CHD2: variants seen among roughly 807,000 people sequenced by gnomAD.
CHD2 encodes the protein chromodomain helicase DNA binding protein 2, also known as ATP-dependent chromatin remodeler CHD2.
A neutral mutation model predicts 243.9 loss-of-function variants in CHD2; 28 were observed. The observed-to-expected ratio is 0.11, with a 90% CI of 0.09 to 0.16. The LOEUF (loss-of-function observed/expected upper bound fraction) is 0.16. Ranked by LOEUF, CHD2 falls within the 10% of genes least tolerant of loss-of-function variation. The pLI, the probability that CHD2 is intolerant of heterozygous loss-of-function variation, is 1.00. For missense variants in CHD2, 1,386 were observed against 2,209.8 expected (o/e 0.63, Z 7.47); for synonymous variants, 775 against 779.0 (o/e 0.99, Z 0.09).
At chr15:92,953,832 C>T in intron 14 of CHD2, 1 of 425,712 alleles carries the variant, frequency 2.3e-6, no homozygotes, top group Non-Finnish European at 4.2e-6. Context: ...AATTTTTCTT[C>T]TCTCTGCCCT....
At chr15:92,961,822 C>T (rs1036773452) in intron 16 of CHD2, among the ~76,000 whole-genome samples, 5 of 149,066 alleles carry the variant, frequency 3.4e-5, no homozygotes, top group East Asian at 2.0e-4. Flanking sequence ...AATTTTGATG[C>T]TCTCAAAGAA....
At chr15:92,916,226 C>A (rs891657484) in intron 2 of CHD2, among the ~76,000 whole-genome samples, 1 of 134,772 alleles carries the variant, frequency 7.4e-6, no homozygotes, top group East Asian at 2.1e-4. Context: ...GCCCCATCAC[C>A]CTGGGCACAT....
At chr15:93,009,497 C>T in intron 35 of CHD2, 174 bp downstream of exon 35, 1 of 588,834 alleles carries the variant, frequency 1.7e-6, no homozygotes, top group Non-Finnish European at 3.0e-6. Context: ...TAGGCCATTC[C>T]ACTGAGACCA....
At position 93,002,261 on chromosome 15, in the gene CHD2, A is replaced by G; in HGVS notation, c.4222A>G (p.Arg1408Gly). 6.2e-7 allele frequency: 1 copy of G among 1,602,094 alleles called. No individual in the cohort carries two copies. Among genetic ancestry groups the G allele is most frequent in the Admixed American group, 1.7e-5 (1 of 58,090 alleles). ...GAACAAGGAGAAACAAATGAGTTCT[A>G]GGAAAGACAAAGAAGGGGACAAGGA... ...KENKEKQMSS[R>G]KDKEGDKERK... The change falls in exon 33 of 39, where the codon AGG becomes GGG. Residue 1408 changes from arginine (R) to glycine (G), a missense_variant. This residue lies in a region of CHD2 where 125 missense variants were observed against 128.9 expected (regional missense o/e 0.97). Coordinates refer to ENST00000394196, the MANE Select transcript of CHD2 (RefSeq NM_001271.4).
At chr15:92,991,596 C>G in intron 27 of CHD2, 79 bp downstream of exon 27, 1 of 972,616 alleles carries the variant, frequency 1.0e-6, no homozygotes, top group Non-Finnish European at 1.5e-6. Flanking sequence ...GTAAATTTTT[C>G]CATTTAATAC....
chr15:93,025,003 G>A lies in CHD2; in HGVS notation c.*298G>A, dbSNP rs558808130. 2.9e-6 allele frequency: 1 copy of A among 350,228 alleles called. No homozygotes were observed. The highest frequency in any genetic ancestry group is 5.2e-6 in the Non-Finnish European group (1 of 192,380). The allele number at this position is 350,228 out of a possible 1,614,324, so 21.7% of individuals were successfully genotyped here. ...GTGTGTGTACCAGCTTCACTGGGAT[G>A]TGTTTCCCCAGTCAAGGAACAGGGG... On this transcript the variant is annotated 3_prime_UTR_variant, in exon 39 of 39. Transcript: ENST00000394196.
chr15:92,942,097 C>T, intron 8 of CHD2, 142 bp downstream of exon 8: 1 of 751,102 alleles, frequency 1.3e-6, no homozygotes, highest in Non-Finnish European at 2.2e-6. Context: ...CCCAGTGTTT[C>T]AGAGCTGAGG....
At chr15:92,964,540 C>G (rs539157559) in intron 16 of CHD2, among the ~76,000 whole-genome samples, 2 of 152,322 alleles carry the variant, frequency 1.3e-5, no homozygotes, top group African/African-American at 4.8e-5. Flanking sequence ...CTTCCCCACT[C>G]AAATGTTACA....
rs1337765304 is a variant in CHD2, at chr15:93,025,023, CAG to C, written c.*319_*320del. 7 of 307,418 alleles carry C rather than the reference CAG, an allele frequency of 2.3e-5. No individual in the cohort carries two copies. The highest frequency in any genetic ancestry group is 1.3e-4 in the African/African-American group (6 of 45,768). The allele number at this position is 307,418 out of a possible 1,614,324, so 19.0% of individuals were successfully genotyped here. ...GGGATGTGTTTCCCCAGTCAAGGAACAGGGGATCTTCAGAGTCATGAATGTTT... is the reference window on the plus strand; with the variant it reads ...GGGATGTGTTTCCCCAGTCAAGGAACGGGATCTTCAGAGTCATGAATGTTT... On this transcript the variant is annotated 3_prime_UTR_variant, in exon 39 of 39. Transcript: ENST00000394196.
chr15:92,955,355 C>G (rs1314719409), intron 14 of CHD2, 68 bp from the exon 15 acceptor site: 26 of 917,908 alleles, frequency 2.8e-5, no homozygotes, highest in Non-Finnish European at 4.0e-5. Flanking sequence ...TTACATCAAT[C>G]ACAAAACTTA....
Position 92,973,544 on chromosome 15 carries a change from T to C in CHD2, c.2505+1127T>C, listed in dbSNP as rs146093329. On this transcript the variant is annotated intron_variant, in intron 19 of 38. Transcript: ENST00000394196. ...AAGGCCCACCTTTGAGACTATCAGA[T>C]TGATTATCTTTCAAAATACCCTGAA... 7.2e-5 allele frequency among the ~76,000 whole-genome samples: 11 copies of C among 152,346 alleles called. No individual in the cohort carries two copies. The East Asian group carries it at 2.1e-3, about 29-fold the overall frequency.
At chr15:92,976,964 T>A (rs1407681620) in intron 20 of CHD2, among the ~76,000 whole-genome samples, 1 of 152,256 alleles carries the variant, frequency 6.6e-6, no homozygotes, top group East Asian at 1.9e-4. Flanking sequence ...ATTTATTTAT[T>A]TAACTACCTT....
chr15:92,940,052 T>C (rs2053333797), intron 7 of CHD2, among the ~76,000 whole-genome samples: 1 of 152,240 alleles, frequency 6.6e-6, no homozygotes, highest in African/African-American at 2.4e-5. Context: ...TACTTCTGAA[T>C]TGCTCTTTGA....
At chr15:92,909,034 T>G (rs1418474363) in intron 2 of CHD2, among the ~76,000 whole-genome samples, 1 of 150,804 alleles carries the variant, frequency 6.6e-6, no homozygotes, top group Non-Finnish European at 1.5e-5. Context: ...CCGGACAATC[T>G]CCTGAAGCTG....
Position 92,997,147 on chromosome 15 carries a change from T to C in CHD2, c.3734+52T>C. ...GATGGTCGTACCGTAAGAAAATAGA[T>C]TTGAAGTTAGACTTTGTGTAGTTCC... is the stretch of plus-strand genomic sequence containing the variant. On this transcript the variant is annotated intron_variant, in intron 29 of 38. Coordinates refer to ENST00000394196, the MANE Select transcript of CHD2 (RefSeq NM_001271.4). The surrounding 1 kb of genome is among the most constrained non-coding windows in gnomAD (Gnocchi z 4.1). 1.9e-6 allele frequency: 3 copies of C among 1,603,578 alleles called. No homozygotes were observed. Among genetic ancestry groups the C allele is most frequent in the Non-Finnish European group, 2.6e-6 (3 of 1,176,250 alleles).
chr15:92,989,904 T>G (rs1333406866), intron 26 of CHD2, among the ~76,000 whole-genome samples: 1 of 152,220 alleles, frequency 6.6e-6, no homozygotes, highest in Non-Finnish European at 1.5e-5. Flanking sequence ...ATCTTTCCTC[T>G]GCATGGACAC....
chr15:92,918,756 T>C (rs2052890742), intron 2 of CHD2, among the ~76,000 whole-genome samples: 1 of 151,826 alleles, frequency 6.6e-6, no homozygotes, highest in Admixed American at 6.6e-5. Flanking sequence ...TTTAAGGGAA[T>C]AATATGAATA....
intron 20 of CHD2, among the ~76,000 whole-genome samples, chr15:92,977,689 A>G (rs1473939017): frequency 1.3e-5 from 2 of 152,040 alleles, no homozygotes; most frequent in Non-Finnish European, 1.5e-5. Flanking sequence ...TTTTTTTATA[A>G]TTTTGGCATG....
chr15:92,945,800 T>C (rs1341195821), intron 10 of CHD2, 21 bp from the exon 11 acceptor site: 2 of 1,507,222 alleles, frequency 1.3e-6, no homozygotes, highest in East Asian at 2.3e-5. Context: ...AACTTTTCTG[T>C]CTTATTTTTT....
Sources: allele counts gnomAD v4.1 joint callset (sites outside exome capture counted in the v4.1 genomes callset), GRCh38; gene constraint gnomAD v4.1.1; regional missense constraint gnomAD v4.1.1; non-coding constraint Gnocchi (gnomAD v3.1); transcripts MANE v1.5; gene names NCBI Gene and HGNC (gene_info 2026-07-23, HGNC 2026-07-21).